Variants in MRC1 observed in about 807,000 individuals in gnomAD.
MRC1 encodes mannose receptor C-type 1, also known as macrophage mannose receptor 1.
A neutral mutation model predicts 102.9 loss-of-function variants in MRC1; 62 were observed. The ratio of observed to expected loss-of-function variants is 0.60; its 90% CI spans 0.49 to 0.74. The LOEUF is 0.74. Ranked by LOEUF, MRC1 falls within the 30% of genes least tolerant of loss-of-function variation. The probability of loss-of-function intolerance (pLI) is 0.00; values close to 1 mark genes in which losing one functional copy is unlikely to be tolerated. For missense variants in MRC1, 1,237 were observed against 862.8 expected (o/e 1.43, Z -5.43); for synonymous variants, 457 against 298.4 (o/e 1.53, Z -5.48).
intron 14 of MRC1, among the ~76,000 whole-genome samples, chr10:17,871,313 T>C (rs1380983317): frequency 6.6e-6 from 1 of 152,188 alleles, no homozygotes; most frequent in Non-Finnish European, 1.5e-5. Flanking sequence ...CACCAGCAAC[T>C]TTTCAAGGAA....
chr10:17,845,559 T>C (rs1396369326), intron 6 of MRC1, 124 bp downstream of exon 6: 10 of 728,414 alleles, frequency 1.4e-5, no homozygotes, highest in Non-Finnish European at 2.5e-5. Flanking sequence ...GGGGTAAACT[T>C]AATGATATTA....
chr10:17,898,324 A>T lies in MRC1; in HGVS notation c.3483+58A>T, dbSNP rs1833783174. 3.8e-6 allele frequency: 3 copies of T among 780,418 alleles called. No individual in the cohort carries two copies. In the African/African-American group the frequency reaches 5.1e-5, roughly 13 times the overall value. The allele number at this position is 780,418 out of a possible 1,614,324, so 48.3% of individuals were successfully genotyped here. A position where few individuals can be genotyped will look rare whatever the true frequency, so the allele number is the denominator to read the frequency against. ...GATCAGTGAATTATGGTTGAATATG[A>T]TTATCTTTCTGTTTGTTCTGTTGAA... On this transcript the variant is annotated intron_variant, in intron 24 of 29. Coordinates refer to ENST00000569591, the MANE Select transcript of MRC1 (RefSeq NM_002438.4).
At chr10:17,829,433 A>G (rs920844319) in intron 3 of MRC1, among the ~76,000 whole-genome samples, 1 of 151,286 alleles carries the variant, frequency 6.6e-6, no homozygotes, top group African/African-American at 2.5e-5. Context: ...CCGAATGAAT[A>G]CTCACAAAAG....
chr10:17,852,913 C>T lies in MRC1; in HGVS notation c.1250-54C>T, dbSNP rs954753502. The T allele has an allele frequency of 5.3e-4, 410 of 780,530 alleles. 4 individuals carry two copies. The highest frequency in any genetic ancestry group is 5.2e-3 in the South Asian group (386 of 74,566). The allele number at this position is 780,530 out of a possible 1,614,324, so 48.4% of individuals were successfully genotyped here. A position where few individuals can be genotyped will look rare whatever the true frequency, so the allele number is the denominator to read the frequency against. On this transcript the variant is annotated intron_variant, in intron 7 of 29. Coordinates refer to ENST00000569591, the MANE Select transcript of MRC1 (RefSeq NM_002438.4). ...AGTGCCTTCCGTTCCTTTTACCCCCCGACCTTTGGAAAGCAACCCTTGTAT... is the reference window on the plus strand; with the variant it reads ...AGTGCCTTCCGTTCCTTTTACCCCCTGACCTTTGGAAAGCAACCCTTGTAT...
rs782764928 is a variant in MRC1 at position 17,833,746 on chromosome 10, G to T, written c.709G>T (p.Ala237Ser). 5 of 780,906 alleles carry T rather than the reference G, an allele frequency of 6.4e-6. No individual in the cohort carries two copies. The highest frequency in any genetic ancestry group is 1.3e-5 in the South Asian group (1 of 74,624). The allele number at this position is 780,906 out of a possible 1,614,324, so 48.4% of individuals were successfully genotyped here. ...TTCCTACCAGATAAACTCCAAATCC[G>T]CTTTAACGTGGCACCAGGCGAGGAA... ...SVSYQINSKSALTWHQARKSC... is the reference protein window; with the variant it reads ...SVSYQINSKSSLTWHQARKSC... The change falls in exon 4 of 30, where the codon GCT (alanine) becomes TCT (serine). Residue 237 changes from alanine to serine, a missense_variant. Transcript: ENST00000569591.
At chr10:17,909,146 T>C (rs1202253662) in intron 28 of MRC1, among the ~76,000 whole-genome samples, 160 bp from the exon 29 acceptor site, 1 of 152,194 alleles carries the variant, frequency 6.6e-6, no homozygotes, top group African/African-American at 2.4e-5. Flanking sequence ...ACAGATCTTT[T>C]TTTTCTACCT....
At chr10:17,880,345 T>C (rs1161798215) in intron 19 of MRC1, among the ~76,000 whole-genome samples, 180 bp from the exon 20 acceptor site, 1 of 152,236 alleles carries the variant, frequency 6.6e-6, no homozygotes, top group Non-Finnish European at 1.5e-5. Flanking sequence ...GAACTATTAT[T>C]AGTTTAAGTA....
intron 7 of MRC1, among the ~76,000 whole-genome samples, chr10:17,852,051 T>C (rs985525014): frequency 2.6e-5 from 4 of 152,224 alleles, no homozygotes; most frequent in Admixed American, 1.3e-4. Flanking sequence ...TAGATAGATA[T>C]TGATTTGTGT....
intron 2 of MRC1, 89 bp from the exon 3 acceptor site, chr10:17,827,453 G>GAGTAAA: frequency 1.0e-5 from 6 of 588,390 alleles, no homozygotes; most frequent in South Asian, 1.4e-5. Context: ...AGAACAGTAA[G>GAGTAAA]ACCAATTCCT....
intron 4 of MRC1, among the ~76,000 whole-genome samples, chr10:17,837,516 A>T (rs1838686219): frequency 6.6e-6 from 1 of 152,220 alleles, no homozygotes; most frequent in African/African-American, 2.4e-5. Flanking sequence ...AAAATATGCC[A>T]TTAAAATGAA....
At chr10:17,851,334 T>G (rs1291207997) in intron 7 of MRC1, among the ~76,000 whole-genome samples, 3 of 152,104 alleles carry the variant, frequency 2.0e-5, no homozygotes, top group African/African-American at 4.8e-5. Flanking sequence ...TTAATAAAAG[T>G]AAAGTTGTAA....
chr10:17,823,644 G>A (rs1461436669), intron 2 of MRC1, among the ~76,000 whole-genome samples, 169 bp downstream of exon 2: 1 of 152,184 alleles, frequency 6.6e-6, no homozygotes, highest in African/African-American at 2.4e-5. Context: ...GGACATGATG[G>A]TGAATAAATG....
chr10:17,881,198 G>A lies in MRC1; in HGVS notation c.2980+17G>A. 1 of 778,928 alleles carries A rather than the reference G, an allele frequency of 1.3e-6. No individual in the cohort carries two copies. Among genetic ancestry groups the A allele is most frequent in the Non-Finnish European group, 2.4e-6 (1 of 417,516 alleles). The allele number at this position is 778,928 out of a possible 1,614,324, so 48.3% of individuals were successfully genotyped here. On this transcript the variant is annotated intron_variant, in intron 21 of 29. Coordinates refer to ENST00000569591, the MANE Select transcript of MRC1 (RefSeq NM_002438.4). The stretch of plus-strand genomic sequence containing the variant: ...AAGAGCAAGGTAGGCAGGCCATTTT[G>A]CAATTAGTTGTGTGTTTAAATATGG...
intron 14 of MRC1, 21 bp from the exon 15 acceptor site, chr10:17,871,955 GGTTGTA>G: frequency 1.3e-6 from 1 of 779,158 alleles, no homozygotes; most frequent in Non-Finnish European, 2.4e-6. Flanking sequence ...AATGGTTAAT[GGTTGTA>G]GTTTAATGTT....
intron 6 of MRC1, 58 bp from the exon 7 acceptor site, chr10:17,849,521 G>A (rs1014531481): frequency 1.3e-5 from 10 of 764,344 alleles, no homozygotes; most frequent in Admixed American, 7.1e-5. Flanking sequence ...TTAAAATATT[G>A]TTATAGTTTT....
intron 3 of MRC1, among the ~76,000 whole-genome samples, chr10:17,829,988 TC>T (rs1263242972): frequency 6.6e-6 from 1 of 151,616 alleles, no homozygotes; most frequent in African/African-American, 2.4e-5. Context: ...TGTAAAATAA[TC>T]GTAGAAAATA....
intron 3 of MRC1, among the ~76,000 whole-genome samples, chr10:17,829,221 A>G (rs1477697913): frequency 6.6e-6 from 1 of 151,574 alleles, no homozygotes; most frequent in Non-Finnish European, 1.5e-5. Context: ...CAAATCCACA[A>G]GTAATCACAC....
chr10:17,853,007 G>C lies in MRC1; in HGVS notation c.1290G>C (p.Lys430Asn). The C allele has an allele frequency of 1.3e-6, 1 of 780,800 alleles. No homozygotes were observed. The highest frequency in any genetic ancestry group is 1.7e-5 in the African/African-American group (1 of 59,228). 48.4% of individuals were successfully genotyped at this position (780,800 alleles called of 1,614,324 possible). The change falls in exon 8 of 30, where the codon AAG (lysine) becomes AAC (asparagine). Residue 430 changes from lysine to asparagine, a missense_variant. By Grantham distance (94) the Lys-to-Asn change is moderately conservative (BLOSUM62 0). Coordinates refer to ENST00000569591, the MANE Select transcript of MRC1 (RefSeq NM_002438.4). ...TGTGGATCGGCTTAAATGACATTAA[G>C]ATTCAAATGTACTTTGAGTGGAGTG... ...DELWIGLNDI[K>N]IQMYFEWSDG...
intron 12 of MRC1, among the ~76,000 whole-genome samples, chr10:17,869,909 A>C (rs920986165): frequency 6.6e-6 from 1 of 152,118 alleles, no homozygotes; most frequent in Non-Finnish European, 1.5e-5. Flanking sequence ...TTCCATCTCA[A>C]TGCCACTTTT....
Sources: allele counts gnomAD v4.1 joint callset (sites outside exome capture counted in the v4.1 genomes callset), GRCh38; gene constraint gnomAD v4.1.1; transcripts MANE v1.5; gene names NCBI Gene and HGNC (gene_info 2026-07-23, HGNC 2026-07-21).